The following ZFR variants were observed in gnomAD, a reference collection of about 807,000 sequenced individuals.
The protein encoded by ZFR is zinc finger RNA binding protein, also known as zinc finger RNA-binding protein.
ZFR carries 19 observed loss-of-function variants against 130.7 expected under a neutral mutation model. The observed-to-expected ratio is 0.15, with a 90% CI of 0.10 to 0.21. The LOEUF (loss-of-function observed/expected upper bound fraction) is 0.21. ZFR is among the 10% of genes least tolerant of loss of function. The pLI is 1.00. For missense variants in ZFR, 872 were observed against 1,321.5 expected, an observed-to-expected ratio of 0.66 and a Z score of 5.27; for synonymous variants, 466 against 456.9, an observed-to-expected ratio of 1.02 and a Z score of -0.25.
chr5:32,407,666 A>C (rs1178449179), intron 5 of ZFR, among the ~76,000 whole-genome samples: 2 of 152,052 alleles, frequency 1.3e-5, no homozygotes, highest in African/African-American at 4.8e-5. Context: ...AATATAGAAC[A>C]ACTGTTAAAG....
chr5:32,426,700 G>C (rs778430137), intron 2 of ZFR, among the ~76,000 whole-genome samples: 4 of 152,120 alleles, frequency 2.6e-5, no homozygotes, highest in Admixed American at 6.5e-5. Context: ...CCAGGAGTTC[G>C]AGACCAGCCT....
At chr5:32,377,955 T>G (rs1223646697) in intron 17 of ZFR, among the ~76,000 whole-genome samples, 2 of 152,208 alleles carry the variant, frequency 1.3e-5, no homozygotes, top group East Asian at 3.8e-4. Flanking sequence ...CCTCCCAAAG[T>G]GTTGGGATTA....
At chr5:32,403,587 A>G (rs1753517340) in intron 7 of ZFR, among the ~76,000 whole-genome samples, 190 bp from the exon 8 acceptor site, 1 of 152,228 alleles carries the variant, frequency 6.6e-6, no homozygotes, top group South Asian at 2.1e-4. Flanking sequence ...GCAAATATGC[A>G]TACATATTCC....
intron 19 of ZFR, among the ~76,000 whole-genome samples, chr5:32,358,090 G>A (rs970898690): frequency 1.3e-5 from 2 of 152,206 alleles, no homozygotes; most frequent in African/African-American, 4.8e-5. Context: ...GAATGTGATG[G>A]CTCATGCCTG....
chr5:32,389,810 T>C (rs574284842), intron 12 of ZFR, among the ~76,000 whole-genome samples: 1 of 152,238 alleles, frequency 6.6e-6, no homozygotes, highest in South Asian at 2.1e-4. Flanking sequence ...ACAGGAAACA[T>C]ATTCCCTTCC....
intron 17 of ZFR, among the ~76,000 whole-genome samples, chr5:32,365,387 T>C (rs906594118): frequency 2.6e-5 from 4 of 152,044 alleles, no homozygotes; most frequent in African/African-American, 9.7e-5. Context: ...TTTTAAGAGA[T>C]GAGAATTTAA....
chr5:32,417,714 T>C lies in ZFR; in HGVS notation c.499A>G (p.Thr167Ala), dbSNP rs1173851028. The change falls in exon 4 of 20, where the codon ACT becomes GCT. Residue 167 changes from threonine (T) to alanine (A), a missense_variant. Thr to Ala is a moderately conservative substitution (Grantham distance 58, BLOSUM62 0). Coordinates refer to ENST00000265069, the MANE Select transcript of ZFR (RefSeq NM_016107.5). Reference sequence around the variant, plus strand: ...GCAGCGGCAGCTACAGCAGCAGCAGTTGCTGTTGGTTGTTGGTAGTATTGC... The same window carrying C: ...GCAGCGGCAGCTACAGCAGCAGCAGCTGCTGTTGGTTGTTGGTAGTATTGC... Reference protein sequence around the residue: ...SKQYYQQPTATAAAVAAAAQP... With the variant: ...SKQYYQQPTAAAAAVAAAAQP... 1.9e-6 allele frequency: 3 copies of C among 1,613,800 alleles called. No individual in the cohort carries two copies. The highest frequency in any genetic ancestry group is 2.7e-5 in the African/African-American group (2 of 74,910).
chr5:32,423,568 T>C (rs1441910565), intron 2 of ZFR, among the ~76,000 whole-genome samples: 1 of 151,794 alleles, frequency 6.6e-6, no homozygotes, highest in African/African-American at 2.4e-5. Context: ...AAGATAAATA[T>C]ATGAAAAATA....
Position 32,388,631 on chromosome 5 carries a change from G to A in ZFR, c.2186C>T (p.Thr729Ile), listed in dbSNP as rs1561880525. The A allele has an allele frequency of 6.2e-7, 1 of 1,613,930 alleles. No individual in the cohort carries two copies. Among genetic ancestry groups the A allele is most frequent in the South Asian group, 1.1e-5 (1 of 91,072 alleles). ...PDSSDDRYVM[T>I]KHATIYPTEE... is the part of the protein sequence containing the mutation. ...AGTTGGATAAATGGTGGCATGTTTT[G>A]TCATTACATAACGGTCATCAGATGA... Residue 729 changes from threonine (T) to isoleucine (I), a missense_variant, in exon 13 of 20, where the codon ACA becomes ATA. Around this residue, in one of 7 missense-constraint regions of ZFR, gnomAD observed 225 missense variants for 282.4 expected, o/e 0.80. Coordinates refer to ENST00000265069, the MANE Select transcript of ZFR (RefSeq NM_016107.5).
chr5:32,355,766 G>A lies in ZFR; in HGVS notation c.3219C>T (p.Asn1073=). 1 of 1,578,628 alleles carries A rather than the reference G, an allele frequency of 6.3e-7. No individual in the cohort carries two copies. Among genetic ancestry groups the A allele is most frequent in the Non-Finnish European group, 8.6e-7 (1 of 1,167,410 alleles). Residue 1073 remains asparagine (N), a synonymous_variant, in exon 20 of 20, where the codon AAC becomes AAT. Transcript: ENST00000265069. ...EGKKDKKDYD[N]F ...GAAGATTTACAGACACTTTTTAAAA[G>A]TTATCATAATCTTTTTTGTCTTTTT...
At position 32,403,125 on chromosome 5, in the gene ZFR, G is replaced by T. The variant is rs770427177; in HGVS notation, c.1497C>A (p.Thr499=). The change falls in exon 8 of 20, where the codon ACC becomes ACA. Residue 499 remains threonine (T), a synonymous_variant. Transcript: ENST00000265069. ...ACTTGCCAACAAAATTTATTTTGGG[G>T]GTAGATGTTTTCTTGGCAGCCATAT... ...PTNMAAKKTS[T]PKINFVGGNK... is the part of the protein sequence containing the mutation. 8.1e-6 allele frequency: 13 copies of T among 1,613,856 alleles called. No individual in the cohort carries two copies. In the Admixed American group the frequency reaches 2.2e-4, roughly 27 times the overall value.
intron 2 of ZFR, among the ~76,000 whole-genome samples, chr5:32,440,979 T>C (rs1316229047): frequency 1.3e-5 from 2 of 152,204 alleles, no homozygotes; most frequent in Non-Finnish European, 2.9e-5. Flanking sequence ...ATTACTTTTA[T>C]TGTATTTTAT....
chr5:32,420,377 A>G (rs908401218), intron 2 of ZFR, among the ~76,000 whole-genome samples: 2 of 152,108 alleles, frequency 1.3e-5, no homozygotes, highest in African/African-American at 4.8e-5. Context: ...ATTGTATCAC[A>G]TAACAGGAAT....
At position 32,363,939 on chromosome 5, in the gene ZFR, T is replaced by C. The variant is rs771713689; in HGVS notation, c.3045+9A>G. 5 of 1,609,584 alleles carry C rather than the reference T, an allele frequency of 3.1e-6. No homozygotes were observed. In the East Asian group the frequency reaches 1.1e-4, roughly 36 times the overall value. On this transcript the variant is annotated intron_variant, in intron 19 of 19. Coordinates refer to ENST00000265069, the MANE Select transcript of ZFR (RefSeq NM_016107.5). ...CCCAATAGGGCTCTGAATTTAGGAA[T>C]ACCAGTACCTGTGCACTGGATGTGA... is the stretch of plus-strand genomic sequence containing the variant.
At chr5:32,388,779 CT>C in intron 12 of ZFR, 105 bp from the exon 13 acceptor site, 1 of 1,039,522 alleles carries the variant, frequency 9.6e-7, no homozygotes, top group Non-Finnish European at 1.4e-6. Context: ...ATAAGAAAGC[CT>C]TTATCTTCTT....
In ZFR at chr5:32,399,600, TTC is replaced by T. The variant is rs1207815615; in HGVS notation, c.1713+405_1713+406del. On this transcript the variant is annotated intron_variant, in intron 9 of 19. Transcript: ENST00000265069. ...CCACTTGAGAAACCAAATGAATATA[TTC>T]TGTTAAATCAGCAAACTTAATTTTA... 2.6e-5 allele frequency among the ~76,000 whole-genome samples: 4 copies of T among 152,350 alleles called. No individual in the cohort carries two copies. The South Asian group carries it at 6.2e-4, about 24-fold the overall frequency.
intron 2 of ZFR, among the ~76,000 whole-genome samples, chr5:32,425,351 G>A (rs1249693578): frequency 1.3e-5 from 2 of 152,148 alleles, no homozygotes; most frequent in Non-Finnish European, 2.9e-5. Context: ...AGGCCAGGCT[G>A]CCTTCATATA....
At chr5:32,415,473 T>C (rs1430000225) in intron 4 of ZFR, among the ~76,000 whole-genome samples, 1 of 146,378 alleles carries the variant, frequency 6.8e-6, no homozygotes, top group East Asian at 2.1e-4. Flanking sequence ...TAAACAAACT[T>C]TTCTGAAAAG....
intron 12 of ZFR, among the ~76,000 whole-genome samples, chr5:32,389,036 A>G (rs1753102524): frequency 6.6e-6 from 1 of 152,276 alleles, no homozygotes; most frequent in Non-Finnish European, 1.5e-5. Flanking sequence ...GCAAAGATAA[A>G]TGAGAGAACA....
Sources: gnomAD v4.1 joint callset for allele counts (sites outside exome capture counted in the v4.1 genomes callset) on GRCh38, gnomAD v4.1.1 for gene constraint, gnomAD v4.1.1 regional missense constraint, MANE v1.5 for transcripts, NCBI Gene and HGNC (gene_info 2026-07-23, HGNC 2026-07-21) for gene names.